CUX2: variants seen among roughly 807,000 people sequenced by gnomAD.
The protein encoded by CUX2 is homeobox protein cut-like 2.
In CUX2, 40 loss-of-function variants were observed where a neutral mutation model predicts 144.8. The ratio of observed to expected loss-of-function variants is 0.28; its 90% CI spans 0.21 to 0.36. The LOEUF (loss-of-function observed/expected upper bound fraction) is 0.36. Among genes scored for constraint, CUX2 ranks in the 10% least tolerant of loss-of-function variants. The pLI, the probability that CUX2 is intolerant of heterozygous loss-of-function variation, is 1.00. For missense variants in CUX2, 1,615 were observed against 1,994.0 expected (o/e 0.81, Z 3.62); for synonymous variants, 827 against 875.6 (o/e 0.94, Z 0.98).
chr12:111,133,904 G>A (rs1875673208), intron 1 of CUX2, among the ~76,000 whole-genome samples: 1 of 152,152 alleles, frequency 6.6e-6, no homozygotes, highest in Admixed American at 6.5e-5. Context: ...AGTGTGCCCA[G>A]CTTCACCAGG....
chr12:111,324,147 G>T (rs577510311), intron 18 of CUX2, among the ~76,000 whole-genome samples: 1 of 151,996 alleles, frequency 6.6e-6, no homozygotes, highest in Non-Finnish European at 1.5e-5. Flanking sequence ...TCAGGAGTTC[G>T]AGACCAGTCT....
chr12:111,293,476 C>G lies in CUX2; in HGVS notation c.467C>G (p.Pro156Arg), dbSNP rs765680212. The G allele has an allele frequency of 1.4e-5, 23 of 1,608,672 alleles. No individual in the cohort carries two copies. Among genetic ancestry groups the G allele is most frequent in the South Asian group, 1.1e-5 (1 of 89,732 alleles). The change falls in exon 6 of 22, where the codon CCC (proline) becomes CGC (arginine). Residue 156 changes from proline (P) to arginine (R), a missense_variant. Physicochemically the swap from Pro to Arg is moderately radical, Grantham distance 103. This residue lies in a region of CUX2 where 295 missense variants were observed against 400.2 expected (regional missense o/e 0.74). Coordinates refer to ENST00000261726, the MANE Select transcript of CUX2 (RefSeq NM_015267.4). This position sits in a 1 kb window ranked among gnomAD's most constrained non-coding sequence, Gnocchi z 4.5. ...AGAGAGGGGACGTCGCCTGCCGGGC[C>G]CACGCTGACCGAGGGAAGCCGCCTC... ...EQREGTSPAG[P>R]TLTEGSRLPG...
At chr12:111,085,052 G>A (rs563045194) in intron 1 of CUX2, among the ~76,000 whole-genome samples, 32 of 152,124 alleles carry the variant, frequency 2.1e-4, no homozygotes, top group South Asian at 4.1e-4. Flanking sequence ...CCCTGCCTCC[G>A]TGGAGCTGAC....
Position 111,039,056 on chromosome 12 carries a change from G to C in CUX2, c.63+4816G>C, listed in dbSNP as rs1227755115. ...TCTTCCGGCAGATGGGATTTCAAAC[G>C]TGAGCACCTTGGCTAGTGCTAAATA... is the stretch of plus-strand genomic sequence containing the variant. On this transcript the variant is annotated intron_variant, in intron 1 of 21. Transcript: ENST00000261726. This position sits in a 1 kb window ranked among gnomAD's most constrained non-coding sequence, Gnocchi z 4.2. Among the ~76,000 whole-genome samples the C allele has an allele frequency of 1.3e-5, 2 of 151,952 alleles. No individual in the cohort carries two copies. The highest frequency in any genetic ancestry group is 2.9e-5 in the Non-Finnish European group (2 of 68,008).
chr12:111,055,133 C>G (rs1870459479), intron 1 of CUX2, among the ~76,000 whole-genome samples: 1 of 152,154 alleles, frequency 6.6e-6, no homozygotes, highest in African/African-American at 2.4e-5. Flanking sequence ...GTCCAGGTTC[C>G]CTCTTTTCTC....
At chr12:111,195,784 C>T (rs772980200) in intron 1 of CUX2, among the ~76,000 whole-genome samples, 1 of 152,192 alleles carries the variant, frequency 6.6e-6, no homozygotes, top group Non-Finnish European at 1.5e-5. Context: ...CCAGCACAAG[C>T]CTTATGAATA....
intron 3 of CUX2, among the ~76,000 whole-genome samples, chr12:111,221,600 C>T (rs528079167): frequency 6.6e-6 from 1 of 152,220 alleles, no homozygotes; most frequent in East Asian, 1.9e-4. Flanking sequence ...TCCTTCTTCC[C>T]AGTGCAGGCC....
intron 3 of CUX2, among the ~76,000 whole-genome samples, chr12:111,249,134 T>C (rs964822068): frequency 6.6e-6 from 1 of 151,892 alleles, no homozygotes; most frequent in Non-Finnish European, 1.5e-5. Flanking sequence ...CAGTATCCCA[T>C]GGGGAGGGGC....
chr12:111,231,301 A>T (rs898805196), intron 3 of CUX2, among the ~76,000 whole-genome samples: 4 of 151,954 alleles, frequency 2.6e-5, no homozygotes, highest in African/African-American at 9.7e-5. Context: ...ACCATACAGT[A>T]TTTGTCCTTT....
At chr12:111,050,929 T>C (rs1870234101) in intron 1 of CUX2, among the ~76,000 whole-genome samples, 1 of 152,198 alleles carries the variant, frequency 6.6e-6, no homozygotes, top group African/African-American at 2.4e-5. Context: ...TACATTCTAA[T>C]GTTTGATAGC....
At chr12:111,235,281 TTGTC>T (rs1247516369) in intron 3 of CUX2, among the ~76,000 whole-genome samples, 2 of 152,128 alleles carry the variant, frequency 1.3e-5, no homozygotes, top group Non-Finnish European at 2.9e-5. Context: ...AGTCTGCAGT[TTGTC>T]TGTGGGCAGA....
At chr12:111,276,177 ACT>A (rs1423763889) in intron 4 of CUX2, among the ~76,000 whole-genome samples, 1 of 152,024 alleles carries the variant, frequency 6.6e-6, no homozygotes, top group Non-Finnish European at 1.5e-5. Context: ...ACACAGCAAG[ACT>A]CTGTCTCTAC....
At position 111,251,930 on chromosome 12, in the gene CUX2, G is replaced by A. The variant is rs150147037; in HGVS notation, c.223-11831G>A. ...TTACAAGGCTCACACGTGTAATCCCGGCGCTTTAGGAGGTCAAGGCAGGAG... is the reference window on the plus strand; with the variant it reads ...TTACAAGGCTCACACGTGTAATCCCAGCGCTTTAGGAGGTCAAGGCAGGAG... On this transcript the variant is annotated intron_variant, in intron 3 of 21. Coordinates refer to ENST00000261726, the MANE Select transcript of CUX2 (RefSeq NM_015267.4). 2.0e-4 allele frequency among the ~76,000 whole-genome samples: 31 copies of A among 152,158 alleles called. 1 individual carries two copies. Among genetic ancestry groups the A allele is most frequent in the Admixed American group, 1.7e-3 (26 of 15,274 alleles).
At chr12:111,149,718 G>C (rs1188050238) in intron 1 of CUX2, among the ~76,000 whole-genome samples, 3 of 152,110 alleles carry the variant, frequency 2.0e-5, no homozygotes, top group African/African-American at 7.2e-5. Context: ...TTGGGGGCAG[G>C]GGTAGAGGAA....
chr12:111,139,096 C>T (rs968729133), intron 1 of CUX2, among the ~76,000 whole-genome samples: 2 of 151,918 alleles, frequency 1.3e-5, no homozygotes, highest in African/African-American at 4.8e-5. Flanking sequence ...GCCATGTGAC[C>T]TCCAGCAGGT....
intron 4 of CUX2, among the ~76,000 whole-genome samples, chr12:111,266,822 G>A (rs945679469): frequency 6.6e-6 from 1 of 152,236 alleles, no homozygotes. Context: ...TGGATGAAGA[G>A]GGAGGTCTTC....
chr12:111,246,200 CAG>C lies in CUX2; in HGVS notation c.223-17557_223-17556del, dbSNP rs1359549907. 6.6e-6 allele frequency among the ~76,000 whole-genome samples: 1 copy of C among 152,202 alleles called. No individual in the cohort carries two copies. Among genetic ancestry groups the C allele is most frequent in the Non-Finnish European group, 1.5e-5 (1 of 68,032 alleles). ...AACCGCACCTGCCACTGGTGTGACA[CAG>C]AGATTCATATAGTGAACGCCACCAT... On this transcript the variant is annotated intron_variant, in intron 3 of 21. Coordinates refer to ENST00000261726, the MANE Select transcript of CUX2 (RefSeq NM_015267.4). The surrounding 1 kb of genome is among the most constrained non-coding windows in gnomAD (Gnocchi z 4.0).
chr12:111,080,754 C>T (rs1012458395), intron 1 of CUX2, among the ~76,000 whole-genome samples: 3 of 152,168 alleles, frequency 2.0e-5, no homozygotes, highest in Non-Finnish European at 2.9e-5. Flanking sequence ...CCTAAAATGG[C>T]ACTTGGCACA....
At chr12:111,332,128 CTTTT>C (rs765789593) in intron 18 of CUX2, among the ~76,000 whole-genome samples, 18 of 119,596 alleles carry the variant, frequency 1.5e-4, no homozygotes, top group East Asian at 2.5e-4. Context: ...ATCTGTCTAC[CTTTT>C]TTTTTTTTTT....
Sources: gnomAD v4.1 joint callset for allele counts (sites outside exome capture counted in the v4.1 genomes callset) on GRCh38, gnomAD v4.1.1 for gene constraint, gnomAD v4.1.1 regional missense constraint, Gnocchi (gnomAD v3.1) non-coding constraint, MANE v1.5 for transcripts, NCBI Gene and HGNC (gene_info 2026-07-23, HGNC 2026-07-21) for gene names.